Variants in SOAT2 observed in about 807,000 individuals in gnomAD.
SOAT2 encodes ACAT-2.
Under a neutral mutation model 76.0 loss-of-function variants are expected in SOAT2, and 87 were observed. The observed-to-expected ratio is 1.14, with a 90% confidence interval of 0.96 to 1.37. The LOEUF (loss-of-function observed/expected upper bound fraction) is 1.37, where lower values mean the gene tolerates loss of function less well. SOAT2 is among the 40% of genes most tolerant of loss of function. The pLI is 0.00. For missense variants in SOAT2, 686 were observed against 682.1 expected (o/e 1.01, Z -0.06); for synonymous variants, 285 against 275.4 (o/e 1.03, Z -0.34).
chr12:53,118,019 C>T (rs1938131892), intron 7 of SOAT2, among the ~76,000 whole-genome samples: 1 of 152,084 alleles, frequency 6.6e-6, no homozygotes, highest in South Asian at 2.1e-4. Context: ...TAAGATGTGC[C>T]TGTATTAGGA....
rs1314983895 is a variant in SOAT2, at chr12:53,121,322, C to T, written c.1157C>T (p.Ser386Phe). The T allele has an allele frequency of 3.7e-6, 6 of 1,614,028 alleles. No homozygotes were observed. In the Admixed American group the frequency reaches 1.0e-4, roughly 27 times the overall value. The change falls in exon 12 of 15, where the codon TCC (serine) becomes TTC (phenylalanine). Residue 386 changes from serine (S) to phenylalanine (F), a missense_variant. Physicochemically the swap from Ser to Phe is radical, Grantham distance 155. Transcript: ENST00000301466. ...CTCCAGGACTGGTGGAACTCAACGT[C>T]CTTCTCCAACTACTACCGCACTTGG... ...MFYRDWWNST[S>F]FSNYYRTWNV...
rs909784286 is a variant in SOAT2, at chr12:53,124,234, A to T, written c.*111A>T. The stretch of plus-strand genomic sequence containing the variant: ...CCAAATTTGGCTCTGAGTCGAGGCA[A>T]CCTGCACACAAGACCCCACCAAGGA... On this transcript the variant is annotated 3_prime_UTR_variant, in exon 15 of 15. Transcript: ENST00000301466. The T allele has an allele frequency of 5.8e-6, 6 of 1,036,366 alleles. No homozygotes were observed. The Admixed American group carries it at 8.7e-5, about 15-fold the overall frequency. 64.2% of individuals were successfully genotyped at this position (1,036,366 alleles called of 1,614,324 possible).
chr12:53,107,765 G>C (rs1474725741), intron 5 of SOAT2, among the ~76,000 whole-genome samples: 1 of 151,902 alleles, frequency 6.6e-6, no homozygotes, highest in East Asian at 1.9e-4. Flanking sequence ...TGGGACTACA[G>C]GCACGTGTTA....
intron 5 of SOAT2, among the ~76,000 whole-genome samples, chr12:53,109,550 C>T (rs1334469691): frequency 6.6e-6 from 1 of 152,040 alleles, no homozygotes; most frequent in Non-Finnish European, 1.5e-5. Context: ...GGCATGATCT[C>T]GGCTCACTGC....
At chr12:53,115,931 CAT>C (rs1200341254) in intron 6 of SOAT2, among the ~76,000 whole-genome samples, 164 bp from the exon 7 acceptor site, 1 of 152,242 alleles carries the variant, frequency 6.6e-6, no homozygotes, top group African/African-American at 2.4e-5. Context: ...TTCATCCCAG[CAT>C]ATGTTAGGCT....
chr12:53,124,329 G>A lies in SOAT2; in HGVS notation c.*206G>A. ...AGACCTCAGCATGGGGGTGACCAGG[G>A]TGACTCTTCAATCCCTATCCCCATG... On this transcript the variant is annotated 3_prime_UTR_variant, in exon 15 of 15. Transcript: ENST00000301466. The A allele has an allele frequency of 3.3e-6, 2 of 611,812 alleles. No individual in the cohort carries two copies. Among genetic ancestry groups the A allele is most frequent in the Non-Finnish European group, 5.8e-6 (2 of 341,998 alleles). The allele number at this position is 611,812 out of a possible 1,614,324, so 37.9% of individuals were successfully genotyped here. A position where few individuals can be genotyped will look rare whatever the true frequency, so the allele number is the denominator to read the frequency against.
chr12:53,118,255 T>TC, intron 7 of SOAT2, 95 bp from the exon 8 acceptor site: 1 of 385,122 alleles, frequency 2.6e-6, no homozygotes. Context: ...TATCCATTTC[T>TC]CCACTCACCA....
At chr12:53,115,689 AC>A in intron 6 of SOAT2, 35 bp downstream of exon 6, 1 of 1,479,554 alleles carries the variant, frequency 6.8e-7, no homozygotes, top group South Asian at 1.4e-5. Flanking sequence ...ACAGGAAGGA[AC>A]CAGCTGGTGG....
intron 12 of SOAT2, 41 bp downstream of exon 12, chr12:53,121,442 G>A: frequency 1.3e-6 from 2 of 1,497,706 alleles, no homozygotes; most frequent in African/African-American, 2.8e-5. Flanking sequence ...ACAGTTAATA[G>A]GGGCTCTCCT....
In SOAT2 at chr12:53,106,018, G is replaced by A; in HGVS notation, c.443+4G>A. 1 of 1,607,344 alleles carries A rather than the reference G, an allele frequency of 6.2e-7. No individual in the cohort carries two copies. Among genetic ancestry groups the A allele is most frequent in the Non-Finnish European group, 8.5e-7 (1 of 1,174,156 alleles). Reference sequence around the variant, plus strand: ...TCGACTTCATTGATGAGGGCAGGTAGGTCCCCTTCCCACCTGGGACAGGCA... The same window carrying A: ...TCGACTTCATTGATGAGGGCAGGTAAGTCCCCTTCCCACCTGGGACAGGCA... On this transcript the variant is annotated splice_donor_region_variant and intron_variant, in intron 5 of 14. Transcript: ENST00000301466.
chr12:53,104,901 C>T (rs1807738395), intron 2 of SOAT2, among the ~76,000 whole-genome samples: 1 of 152,054 alleles, frequency 6.6e-6, no homozygotes, highest in South Asian at 2.1e-4. Context: ...ACCCCACCAG[C>T]AGACCCATCA....
chr12:53,118,256 C>T, intron 7 of SOAT2, 94 bp from the exon 8 acceptor site: 1 of 410,384 alleles, frequency 2.4e-6, no homozygotes, highest in Non-Finnish European at 4.9e-6. Context: ...ATCCATTTCT[C>T]CACTCACCAA....
chr12:53,112,824 A>C (rs1938045091), intron 5 of SOAT2, among the ~76,000 whole-genome samples: 1 of 127,808 alleles, frequency 7.8e-6, no homozygotes, highest in African/African-American at 3.1e-5. Context: ...TCTGTCGCCC[A>C]GGCTGGAGTG....
At chr12:53,105,014 G>A in intron 2 of SOAT2, 93 bp from the exon 3 acceptor site, 1 of 1,303,208 alleles carries the variant, frequency 7.7e-7, no homozygotes, top group South Asian at 1.4e-5. Flanking sequence ...AAAGCACTGT[G>A]CCTGGCATAG....
At chr12:53,115,245 G>A (rs1353153010) in intron 5 of SOAT2, 145 bp from the exon 6 acceptor site, 3 of 842,878 alleles carry the variant, frequency 3.6e-6, no homozygotes, top group Non-Finnish European at 3.6e-6. Flanking sequence ...GTGCCACAGA[G>A]GTGCCGTCTT....
chr12:53,119,144 T>C lies in SOAT2; in HGVS notation c.930T>C (p.Tyr310=), dbSNP rs139438468. The change falls in exon 10 of 15, where the codon TAT becomes TAC. Residue 310 remains tyrosine (Y), a synonymous_variant. Coordinates refer to ENST00000301466, the MANE Select transcript of SOAT2 (RefSeq NM_003578.4). ...NFAQALGCVL[Y]ACFILGRLCV... ...TCCAGGCCCTGGGATGTGTGCTCTA[T>C]GCCTGCTTCATCCTGGGCCGCCTCT... 1.1e-4 allele frequency: 173 copies of C among 1,613,916 alleles called. No individual in the cohort carries two copies. Among genetic ancestry groups the C allele is most frequent in the Non-Finnish European group, 1.0e-4 (119 of 1,179,934 alleles).
intron 10 of SOAT2, 44 bp from the exon 11 acceptor site, chr12:53,120,742 A>G: frequency 1.4e-6 from 2 of 1,457,438 alleles, no homozygotes; most frequent in Non-Finnish European, 1.9e-6. Context: ...CTGTGGGTCC[A>G]TGTGGGCCAG....
intron 5 of SOAT2, among the ~76,000 whole-genome samples, chr12:53,107,344 C>A (rs1290679030): frequency 6.6e-6 from 1 of 152,092 alleles, no homozygotes; most frequent in African/African-American, 2.4e-5. Context: ...CCTGCTGAAA[C>A]ATAATAGTAT....
chr12:53,109,104 G>T (rs1455219671), intron 5 of SOAT2, among the ~76,000 whole-genome samples: 2 of 152,134 alleles, frequency 1.3e-5, no homozygotes, highest in Non-Finnish European at 2.9e-5. Flanking sequence ...GAGCATGGTG[G>T]CGCATGCCTG....
Sources: gnomAD v4.1 joint callset for allele counts (sites outside exome capture counted in the v4.1 genomes callset) on GRCh38, gnomAD v4.1.1 for gene constraint, MANE v1.5 for transcripts, NCBI Gene and HGNC (gene_info 2026-07-23, HGNC 2026-07-21) for gene names.